The following CEP350 variants were observed in gnomAD, a reference collection of about 807,000 sequenced individuals.
The protein encoded by CEP350 is centrosomal protein 350, also known as centrosome-associated protein 350.
In CEP350, 126 loss-of-function variants were observed where a neutral mutation model predicts 331.8. The ratio of observed to expected loss-of-function variants is 0.38; its 90% CI spans 0.33 to 0.44. The LOEUF (loss-of-function observed/expected upper bound fraction) is 0.44. CEP350 is among the 20% of genes least tolerant of loss of function. The pLI, the probability that CEP350 is intolerant of heterozygous loss-of-function variation, is 1.00. For synonymous variants in CEP350, 1,200 were observed against 1,259.5 expected (o/e 0.95, Z 1.00); for missense variants, 3,406 against 3,634.6 (o/e 0.94, Z 1.62).
chr1:180,098,902 A>C lies in CEP350; in HGVS notation c.9106A>C (p.Lys3036Gln). ...TGAAGTACTCAAGTTGTTCAGTCTTAAAAAGGAGCCAAACCACAAAACAGA... is the reference window on the plus strand; with the variant it reads ...TGAAGTACTCAAGTTGTTCAGTCTTCAAAAGGAGCCAAACCACAAAACAGA... The part of the protein sequence containing the change: ...ASEVLKLFSL[K>Q]KEPNHKTDWQ... Residue 3036 changes from lysine (K) to glutamine (Q), a missense_variant, in exon 37 of 38, where the codon AAA becomes CAA. Physicochemically the swap from Lys to Gln is moderately conservative, Grantham distance 53. This residue lies in a region of CEP350 where 1,415 missense variants were observed against 1,512.3 expected (regional missense o/e 0.94). Coordinates refer to ENST00000367607, the MANE Select transcript of CEP350 (RefSeq NM_014810.5). 6.2e-7 allele frequency: 1 copy of C among 1,613,408 alleles called. No homozygotes were observed. Among genetic ancestry groups the C allele is most frequent in the Non-Finnish European group, 8.5e-7 (1 of 1,179,500 alleles).
chr1:180,027,428 G>T (rs996458701), intron 14 of CEP350, among the ~76,000 whole-genome samples: 2 of 152,106 alleles, frequency 1.3e-5, no homozygotes, highest in African/African-American at 4.8e-5. Flanking sequence ...ACCCAGGCTG[G>T]AGTACAGTGG....
At chr1:180,071,679 A>G (rs1658906456) in intron 27 of CEP350, among the ~76,000 whole-genome samples, 1 of 151,982 alleles carries the variant, frequency 6.6e-6, no homozygotes, top group Non-Finnish European at 1.5e-5. Context: ...GCTACTTCAG[A>G]GACTGAGGCA....
At chr1:179,981,674 T>A (rs146413542) in intron 1 of CEP350, among the ~76,000 whole-genome samples, 18 of 152,190 alleles carry the variant, frequency 1.2e-4, no homozygotes, top group Non-Finnish European at 2.2e-4. Context: ...TTCAGGTGCT[T>A]CATGAGAATA....
intron 36 of CEP350, among the ~76,000 whole-genome samples, chr1:180,098,619 C>T (rs1182278283): frequency 6.6e-6 from 1 of 152,188 alleles, no homozygotes; most frequent in Non-Finnish European, 1.5e-5. Context: ...GCTGGGATTA[C>T]AGACGTGAGT....
intron 22 of CEP350, chr1:180,052,198 A>G: frequency 2.2e-6 from 1 of 453,652 alleles, no homozygotes; most frequent in Non-Finnish European, 4.4e-6. Flanking sequence ...GTGCCTACAA[A>G]TTCTTTCTTT....
At chr1:180,052,856 A>T (rs577296820) in intron 22 of CEP350, 114 bp from the exon 23 acceptor site, 142 of 469,662 alleles carry the variant, frequency 3.0e-4, no homozygotes, top group African/African-American at 2.7e-3. Flanking sequence ...TTTATTAGTG[A>T]TCAATTTTAT....
At chr1:179,962,641 C>T (rs967496272) in intron 1 of CEP350, among the ~76,000 whole-genome samples, 8 of 152,146 alleles carry the variant, frequency 5.3e-5, no homozygotes, top group African/African-American at 1.4e-4. Context: ...AACTCCTGAC[C>T]TCATGATCTG....
At position 180,053,873 on chromosome 1, in the gene CEP350, C is replaced by T. The variant is rs149437250; in HGVS notation, c.5113C>T (p.Arg1705Cys). 7.5e-6 allele frequency: 12 copies of T among 1,610,562 alleles called. No individual in the cohort carries two copies. The highest frequency in any genetic ancestry group is 1.3e-5 in the African/African-American group (1 of 74,862). Residue 1705 changes from arginine (R) to cysteine (C), a missense_variant, in exon 24 of 38, where the codon CGT (arginine) becomes TGT (cysteine). Coordinates refer to ENST00000367607, the MANE Select transcript of CEP350 (RefSeq NM_014810.5). ...TCACCAGTCTTCACTCCTGCGTCTCCGTGAAAAGGCCTTGAAGGAGAAGAC... is the reference window on the plus strand; with the variant it reads ...TCACCAGTCTTCACTCCTGCGTCTCTGTGAAAAGGCCTTGAAGGAGAAGAC... ...AAHQSSLLRL[R>C]EKALKEKTKA...
intron 3 of CEP350, among the ~76,000 whole-genome samples, chr1:179,989,178 C>T (rs951171197): frequency 1.3e-5 from 2 of 151,878 alleles, no homozygotes; most frequent in Non-Finnish European, 2.9e-5. Flanking sequence ...GAAGGCTGGG[C>T]GCAGTGTCTC....
intron 1 of CEP350, among the ~76,000 whole-genome samples, chr1:179,959,997 A>G (rs1291865724): frequency 1.3e-5 from 2 of 151,124 alleles, no homozygotes; most frequent in African/African-American, 4.9e-5. Flanking sequence ...TAAGACCCCA[A>G]ACACCTCTAA....
At chr1:180,058,551 T>G (rs1205669811) in intron 25 of CEP350, among the ~76,000 whole-genome samples, 3 of 152,164 alleles carry the variant, frequency 2.0e-5, no homozygotes, top group Non-Finnish European at 4.4e-5. Context: ...GATACACTTC[T>G]GGGGAAGAGA....
intron 25 of CEP350, among the ~76,000 whole-genome samples, chr1:180,057,196 A>G (rs952431632): frequency 6.6e-6 from 1 of 150,708 alleles, no homozygotes; most frequent in Non-Finnish European, 1.5e-5. Flanking sequence ...CCTCTCGGGT[A>G]CAAGTGATTC....
chr1:179,986,418 A>G (rs2148666476), intron 2 of CEP350, among the ~76,000 whole-genome samples, 164 bp downstream of exon 2: 1 of 152,328 alleles, frequency 6.6e-6, no homozygotes, highest in African/African-American at 2.4e-5. Flanking sequence ...GCTTCATGTT[A>G]AAAGGCATCC....
chr1:180,065,365 G>C (rs1658488730), intron 27 of CEP350, 93 bp downstream of exon 27: 1 of 1,248,518 alleles, frequency 8.0e-7, no homozygotes. Context: ...ATTAGATTGA[G>C]ACAAAATATT....
intron 32 of CEP350, among the ~76,000 whole-genome samples, chr1:180,090,321 C>T (rs1178091145): frequency 2.6e-5 from 4 of 151,122 alleles, no homozygotes; most frequent in East Asian, 1.9e-4. Context: ...CAGAGGCGGG[C>T]GGATCATGAG....
chr1:179,968,956 A>T (rs929869411), intron 1 of CEP350: 6 of 757,700 alleles, frequency 7.9e-6, no homozygotes, highest in Non-Finnish European at 1.4e-5. Flanking sequence ...TGACTGCTTT[A>T]CTCCTGGAAC....
intron 20 of CEP350, 45 bp from the exon 21 acceptor site, chr1:180,044,006 T>G: frequency 2.7e-6 from 4 of 1,470,020 alleles, no homozygotes; most frequent in Non-Finnish European, 1.8e-6. Flanking sequence ...ATCTTTCTGT[T>G]ATTAGAGACT....
intron 27 of CEP350, among the ~76,000 whole-genome samples, chr1:180,067,689 C>T (rs1252607677): frequency 6.7e-6 from 1 of 149,418 alleles, no homozygotes; most frequent in Non-Finnish European, 1.5e-5. Flanking sequence ...AACTTAGTCT[C>T]AAAAAAAAAG....
chr1:180,087,847 G>A, intron 32 of CEP350, 130 bp downstream of exon 32: 1 of 1,000,772 alleles, frequency 1.0e-6, no homozygotes, highest in South Asian at 3.5e-5. Context: ...TATTTTTAGT[G>A]TCAGTAAATT....
Sources: allele counts gnomAD v4.1 joint callset (sites outside exome capture counted in the v4.1 genomes callset), GRCh38; gene constraint gnomAD v4.1.1; regional missense constraint gnomAD v4.1.1; transcripts MANE v1.5; gene names NCBI Gene and HGNC (gene_info 2026-07-23, HGNC 2026-07-21).